Variants in MED25 observed in about 807,000 individuals in gnomAD.
The protein encoded by MED25 is mediator of RNA polymerase II transcription subunit 25.
A neutral mutation model predicts 89.4 loss-of-function variants in MED25; 62 were observed. The ratio of observed to expected loss-of-function variants is 0.69; its 90% CI spans 0.57 to 0.86. The LOEUF (loss-of-function observed/expected upper bound fraction) is 0.86. MED25 is among the 40% of genes least tolerant of loss of function. MED25 has a pLI of 0.00. For missense variants in MED25, 905 were observed against 1,005.2 expected, an observed-to-expected ratio of 0.90 and a Z score of 1.35; for synonymous variants, 449 against 427.9, an observed-to-expected ratio of 1.05 and a Z score of -0.61.
intron 13 of MED25, chr19:49,833,449 T>G (rs2074073787): frequency 1.3e-5 from 2 of 152,312 alleles, no homozygotes; most frequent in African/African-American, 4.8e-5. Context: ...ACTTTGTAAC[T>G]CGGGGAAGGA....
downstream of MED25, chr19:49,838,954 G>A (rs2074117378): frequency 2.7e-6 from 1 of 364,948 alleles, no homozygotes; most frequent in African/African-American, 2.1e-5. Flanking sequence ...GCAGAGTGAC[G>A]TGTCCTGCAC....
chr19:49,829,435 C>T lies in MED25; in HGVS notation c.525+345C>T, dbSNP rs911672602. On this transcript the variant is annotated intron_variant, in intron 5 of 17. Coordinates refer to ENST00000312865, the MANE Select transcript of MED25 (RefSeq NM_030973.4). The surrounding 1 kb of genome is among the most constrained non-coding windows in gnomAD (Gnocchi z 4.6). ...CTGGGATTATAGACGCCCGCCACCA[C>T]GCCCAGCTGATTTTTGTATCTTTAG... is the stretch of plus-strand genomic sequence containing the variant. Among the ~76,000 whole-genome samples the T allele has an allele frequency of 8.5e-5, 13 of 152,290 alleles. No homozygotes were observed. Among genetic ancestry groups the T allele is most frequent in the African/African-American group, 2.9e-4 (12 of 41,554 alleles).
Position 49,835,228 on chromosome 19 carries a change from C to T in MED25, c.1674+51C>T, listed in dbSNP as rs2074086953. 1 of 1,589,734 alleles carries T rather than the reference C, an allele frequency of 6.3e-7. No homozygotes were observed. The highest frequency in any genetic ancestry group is 8.6e-7 in the Non-Finnish European group (1 of 1,158,558). Reference sequence around the variant, plus strand: ...GCACTCCGACCCCCTCCTGCCCGGGCCCCACATGGCCCCCTGGGGTCTCCA... The same window carrying T: ...GCACTCCGACCCCCTCCTGCCCGGGTCCCACATGGCCCCCTGGGGTCTCCA... On this transcript the variant is annotated intron_variant, in intron 14 of 17. Transcript: ENST00000312865. This position sits in a 1 kb window ranked among gnomAD's most constrained non-coding sequence, Gnocchi z 6.2.
intron 3 of MED25, among the ~76,000 whole-genome samples, chr19:49,821,489 G>C (rs577230897): frequency 3.9e-5 from 6 of 152,160 alleles, no homozygotes; most frequent in Admixed American, 1.3e-4. Flanking sequence ...TTTGTAGGTC[G>C]GGCGTGGTGG....
rs765814691 is a variant in MED25 at position 49,828,515 on chromosome 19, G to A, written c.372G>A (p.Leu124=). ...IAEGLSTALQ[L]FDDFKKMREQ... ...AAGGACTCAGCACAGCCTTGCAGCTGTTTGATGACTTCAAGAAGATGCGCG... is the reference window on the plus strand; with the variant it reads ...AAGGACTCAGCACAGCCTTGCAGCTATTTGATGACTTCAAGAAGATGCGCG... Residue 124 remains leucine, a synonymous_variant, in exon 4 of 18, where the codon CTG becomes CTA. Coordinates refer to ENST00000312865, the MANE Select transcript of MED25 (RefSeq NM_030973.4). The A allele has an allele frequency of 6.2e-7, 1 of 1,614,122 alleles. No homozygotes were observed. The highest frequency in any genetic ancestry group is 8.5e-7 in the Non-Finnish European group (1 of 1,179,974).
At chr19:49,820,505 T>C (rs2073974733) in intron 3 of MED25, among the ~76,000 whole-genome samples, 1 of 152,220 alleles carries the variant, frequency 6.6e-6, no homozygotes, top group Non-Finnish European at 1.5e-5. Context: ...CTGTACTTCT[T>C]AGATAAAACA....
At chr19:49,838,953 C>T (rs968584770), downstream of MED25, 20 of 365,236 alleles carry the variant, frequency 5.5e-5, no homozygotes, top group East Asian at 1.5e-4. Flanking sequence ...AGCAGAGTGA[C>T]GTGTCCTGCA....
At position 49,830,612 on chromosome 19, in the gene MED25, T is replaced by C; in HGVS notation, c.907+14T>C. 1 of 1,613,610 alleles carries C rather than the reference T, an allele frequency of 6.2e-7. No individual in the cohort carries two copies. The highest frequency in any genetic ancestry group is 1.1e-5 in the South Asian group (1 of 91,062). On this transcript the variant is annotated intron_variant, in intron 8 of 17. Transcript: ENST00000312865. The surrounding 1 kb of genome is among the most constrained non-coding windows in gnomAD (Gnocchi z 4.6). Reference sequence around the variant, plus strand: ...TGGGCCCTCGCTGTGAGTCCTGGAGTGAGGATGAAGGGCGGGCAGGGGCCA... The same window carrying C: ...TGGGCCCTCGCTGTGAGTCCTGGAGCGAGGATGAAGGGCGGGCAGGGGCCA...
rs1600331179 is a variant in MED25 at position 49,835,751 on chromosome 19, C to G, written c.1771C>G (p.Gln591Glu). ...GCTCCAGCTCCGCCCACCGCAGCCC[C>G]AGCCTCAGGGTACCGTAGGGGCCTC... Reference protein sequence around the residue: ...NLLQLRPPQPQPQGTVGASGA... With the variant: ...NLLQLRPPQPEPQGTVGASGA... Residue 591 changes from glutamine to glutamate, a missense_variant, in exon 16 of 18, where the codon CAG (glutamine) becomes GAG (glutamate). Gln to Glu is a conservative substitution (Grantham distance 29). Transcript: ENST00000312865. This position sits in a 1 kb window ranked among gnomAD's most constrained non-coding sequence, Gnocchi z 6.2. 1.2e-6 allele frequency: 2 copies of G among 1,610,952 alleles called. No homozygotes were observed. The highest frequency in any genetic ancestry group is 8.5e-7 in the Non-Finnish European group (1 of 1,179,000).
chr19:49,830,539 T>C lies in MED25; in HGVS notation c.848T>C (p.Val283Ala). Residue 283 changes from valine to alanine, a missense_variant, in exon 8 of 18, where the codon GTG (valine) becomes GCG (alanine). Physicochemically the swap from Val to Ala is moderately conservative, Grantham distance 64. Around this residue, in one of 3 missense-constraint regions of MED25, gnomAD observed 501 missense variants for 526.9 expected, o/e 0.95. Transcript: ENST00000312865. This position sits in a 1 kb window ranked among gnomAD's most constrained non-coding sequence, Gnocchi z 4.6. ...CCCGGGAACCTGAGTGCAGCTCAGG[T>C]GGCCGCGCAGAATGCAGTGGAGGCT... The part of the protein sequence containing the change: ...QVPGNLSAAQ[V>A]AAQNAVEAAK... 1 of 1,613,970 alleles carries C rather than the reference T, an allele frequency of 6.2e-7. No individual in the cohort carries two copies.
intron 3 of MED25, among the ~76,000 whole-genome samples, 168 bp from the exon 4 acceptor site, chr19:49,828,281 G>T (rs1342897910): frequency 2.6e-5 from 4 of 151,910 alleles, no homozygotes; most frequent in Admixed American, 6.6e-5. Flanking sequence ...TCTGGGACTG[G>T]TGCTGTGCTA....
chr19:49,822,262 C>CAAAA (rs1220883878), intron 3 of MED25, among the ~76,000 whole-genome samples: 1 of 48,904 alleles, frequency 2.0e-5, no homozygotes, highest in Non-Finnish European at 3.9e-5. Context: ...GACTCTGTCT[C>CAAAA]AAAAAAAAAA....
At position 49,829,831 on chromosome 19, in the gene MED25, C is replaced by T; in HGVS notation, c.571C>T (p.Leu191Phe). The T allele has an allele frequency of 6.2e-7, 1 of 1,609,448 alleles. No homozygotes were observed. Among genetic ancestry groups the T allele is most frequent in the Non-Finnish European group, 8.5e-7 (1 of 1,178,198 alleles). The change falls in exon 6 of 18, where the codon CTT (leucine) becomes TTT (phenylalanine). Residue 191 changes from leucine (L) to phenylalanine (F), a missense_variant. Coordinates refer to ENST00000312865, the MANE Select transcript of MED25 (RefSeq NM_030973.4). This position sits in a 1 kb window ranked among gnomAD's most constrained non-coding sequence, Gnocchi z 4.6. ...TGTGTCTCCCCGGAAGCTGCCTGCG[C>T]TTCGGCTTCTGTTTGAGAAGGCAGC... ...SIVSPRKLPA[L>F]RLLFEKAAPP...
intron 13 of MED25, chr19:49,833,559 T>G (rs531678585): frequency 6.6e-6 from 1 of 152,364 alleles, no homozygotes; most frequent in African/African-American, 2.4e-5. Context: ...AAGAAGGCAT[T>G]CCTGAGAGTT....
chr19:49,826,557 A>T (rs548385226), intron 3 of MED25, among the ~76,000 whole-genome samples: 1 of 152,310 alleles, frequency 6.6e-6, no homozygotes, highest in East Asian at 1.9e-4. Flanking sequence ...CAGTGCACTG[A>T]GTACTCAGCA....
chr19:49,821,913 G>A (rs1014465086), intron 3 of MED25, among the ~76,000 whole-genome samples: 7 of 150,956 alleles, frequency 4.6e-5, no homozygotes, highest in African/African-American at 1.7e-4. Context: ...CGAATCACCT[G>A]AGGTCAGGAG....
downstream of MED25, chr19:49,839,048 TA>T (rs1347683191): frequency 6.4e-6 from 2 of 314,408 alleles, no homozygotes; most frequent in African/African-American, 4.3e-5. Context: ...TCGGGGGATT[TA>T]CAAGTCCAGT....
chr19:49,820,238 G>C (rs1217981604), intron 3 of MED25, among the ~76,000 whole-genome samples: 2 of 152,204 alleles, frequency 1.3e-5, no homozygotes, highest in African/African-American at 4.8e-5. Flanking sequence ...CAGAACAAAG[G>C]TAGCACTTGA....
Position 49,826,779 on chromosome 19 carries a change from C to T in MED25, c.306-1670C>T, listed in dbSNP as rs574762531. On this transcript the variant is annotated intron_variant, in intron 3 of 17. Coordinates refer to ENST00000312865, the MANE Select transcript of MED25 (RefSeq NM_030973.4). ...TGTCGTAGTTTAGCTGGATTCCATCCGGGCCGGAATGGGTGTGTTCCAGCA... is the reference window on the plus strand; with the variant it reads ...TGTCGTAGTTTAGCTGGATTCCATCTGGGCCGGAATGGGTGTGTTCCAGCA... 9.8e-5 allele frequency among the ~76,000 whole-genome samples: 15 copies of T among 152,292 alleles called. No homozygotes were observed. The East Asian group carries it at 1.2e-3, about 12-fold the overall frequency.
Sources: allele counts gnomAD v4.1 joint callset (sites outside exome capture counted in the v4.1 genomes callset), GRCh38; gene constraint gnomAD v4.1.1; regional missense constraint gnomAD v4.1.1; non-coding constraint Gnocchi (gnomAD v3.1); transcripts MANE v1.5; gene names NCBI Gene and HGNC (gene_info 2026-07-23, HGNC 2026-07-21).